TPD52: variants seen among roughly 807,000 people sequenced by gnomAD.
TPD52 encodes the protein prostate and colon associated protein.
In TPD52, 17 loss-of-function variants were observed where a neutral mutation model predicts 31.3. That is an observed-to-expected ratio of 0.54 (90% CI 0.37 to 0.82). The LOEUF is 0.82. TPD52 is among the 40% of genes least tolerant of loss of function. The probability of loss-of-function intolerance (pLI) is 0.00; values close to 1 mark genes in which losing one functional copy is unlikely to be tolerated. For synonymous variants in TPD52, 83 were observed against 89.6 expected, an observed-to-expected ratio of 0.93 and a Z score of 0.42; for missense variants, 212 against 240.1, an observed-to-expected ratio of 0.88 and a Z score of 0.77.
At chr8:80,079,617 G>A (rs947813342) in intron 1 of TPD52, among the ~76,000 whole-genome samples, 3 of 152,108 alleles carry the variant, frequency 2.0e-5, no homozygotes, top group African/African-American at 7.2e-5. Context: ...AAATTACAGA[G>A]AAGGTCATTT....
intron 1 of TPD52, among the ~76,000 whole-genome samples, chr8:80,077,015 G>T (rs1814636382): frequency 1.3e-5 from 2 of 151,374 alleles, no homozygotes; most frequent in Non-Finnish European, 2.9e-5. Context: ...AGTGGCTCAC[G>T]CCTGTAATCC....
At chr8:80,032,609 C>G (rs1422269646), downstream of TPD52, 1 of 152,340 alleles carries the variant, frequency 6.6e-6, no homozygotes, top group East Asian at 1.9e-4. Flanking sequence ...TACTTTACAG[C>G]TACTGGCTTT....
At chr8:80,060,720 T>A (rs1812423279) in intron 2 of TPD52, among the ~76,000 whole-genome samples, 1 of 150,836 alleles carries the variant, frequency 6.6e-6, no homozygotes, top group Admixed American at 6.6e-5. Context: ...AAAAACACAA[T>A]CATTTCAATA....
At chr8:80,095,862 C>A (rs953165694) in intron 1 of TPD52, among the ~76,000 whole-genome samples, 2 of 152,176 alleles carry the variant, frequency 1.3e-5, no homozygotes, top group Non-Finnish European at 2.9e-5. Flanking sequence ...GCAGGAGAAT[C>A]GCTTGAACCC....
intron 6 of TPD52, among the ~76,000 whole-genome samples, chr8:80,043,707 G>C (rs1452328794): frequency 6.6e-6 from 1 of 152,220 alleles, no homozygotes; most frequent in Non-Finnish European, 1.5e-5. Context: ...TCTCTAGAGA[G>C]GTTAGGTGAG....
intron 1 of TPD52, 197 bp from the exon 2 acceptor site, chr8:80,064,790 A>C (rs1341587978): frequency 1.4e-6 from 1 of 691,520 alleles, no homozygotes. Flanking sequence ...TACCAAGTAG[A>C]CTCTGCCAAA....
intron 1 of TPD52, among the ~76,000 whole-genome samples, chr8:80,122,597 G>A (rs1808332623): frequency 6.6e-6 from 1 of 152,204 alleles, no homozygotes; most frequent in Non-Finnish European, 1.5e-5. Flanking sequence ...GCCTTGGGAA[G>A]AGAAGAGACA....
intron 1 of TPD52, among the ~76,000 whole-genome samples, chr8:80,150,830 CT>C (rs142376735): frequency 0.11 from 17,161 of 152,164 alleles, 1,202 homozygotes; most frequent in South Asian, 0.21. Flanking sequence ...GTGGAAAGGA[CT>C]TGCCTTGTCT....
At chr8:80,134,728 G>T (rs767757758) in intron 1 of TPD52, among the ~76,000 whole-genome samples, 4 of 152,186 alleles carry the variant, frequency 2.6e-5, no homozygotes, top group African/African-American at 7.2e-5. Context: ...TGCAGGAGCC[G>T]TGTTGAAAGT....
intron 1 of TPD52, chr8:80,158,479 T>G (rs1369131972): frequency 2.6e-5 from 4 of 152,292 alleles, no homozygotes; most frequent in African/African-American, 9.7e-5. Context: ...CGTTGCTCAC[T>G]TCCTCCTCAG....
At chr8:80,089,421 C>G (rs1303594895) in intron 1 of TPD52, among the ~76,000 whole-genome samples, 1 of 152,104 alleles carries the variant, frequency 6.6e-6, no homozygotes, top group Non-Finnish European at 1.5e-5. Flanking sequence ...TGCATTTTGG[C>G]AGATTTGGTT....
chr8:80,092,963 G>C, intron 1 of TPD52, among the ~76,000 whole-genome samples: 1 of 152,112 alleles, frequency 6.6e-6, no homozygotes, highest in South Asian at 2.1e-4. Flanking sequence ...AAATGGTACA[G>C]ATGGTAAATT....
chr8:80,119,181 T>C (rs1808072256), intron 1 of TPD52, among the ~76,000 whole-genome samples: 1 of 152,208 alleles, frequency 6.6e-6, no homozygotes, highest in South Asian at 2.1e-4. Flanking sequence ...CACATATGTA[T>C]AAACCCATTT....
chr8:80,112,758 C>T (rs1206159650), intron 1 of TPD52, among the ~76,000 whole-genome samples: 1 of 151,974 alleles, frequency 6.6e-6, no homozygotes, highest in African/African-American at 2.4e-5. Context: ...CCCCCCAACC[C>T]ATTCAACAAT....
chr8:80,058,853 T>C (rs1812184669), intron 2 of TPD52, among the ~76,000 whole-genome samples: 1 of 152,180 alleles, frequency 6.6e-6, no homozygotes, highest in African/African-American at 2.4e-5. Context: ...ATCACCCATC[T>C]GCCTTACCCA....
At chr8:80,159,613 G>A (rs1187889859) in intron 1 of TPD52, among the ~76,000 whole-genome samples, 1 of 152,144 alleles carries the variant, frequency 6.6e-6, no homozygotes, top group East Asian at 1.9e-4. Context: ...GTAACGTAGG[G>A]ATACTGTTAG....
intron 5 of TPD52, among the ~76,000 whole-genome samples, chr8:80,049,207 C>T (rs1288697231): frequency 1.3e-5 from 2 of 151,934 alleles, no homozygotes; most frequent in Non-Finnish European, 2.9e-5. Flanking sequence ...TATCCCAAGT[C>T]CCCACTCTTC....
chr8:80,138,658 C>T (rs1809609053), intron 1 of TPD52, among the ~76,000 whole-genome samples: 1 of 152,164 alleles, frequency 6.6e-6, no homozygotes, highest in Non-Finnish European at 1.5e-5. Context: ...AGACTTTTGA[C>T]AACTGCTCAG....
intron 1 of TPD52, among the ~76,000 whole-genome samples, chr8:80,118,943 AAT>A (rs1808055976): frequency 6.6e-6 from 1 of 152,234 alleles, no homozygotes; most frequent in Non-Finnish European, 1.5e-5. Context: ...AAATGAAAAC[AAT>A]ATGTCTGTAC....
Sources: allele counts gnomAD v4.1 joint callset (sites outside exome capture counted in the v4.1 genomes callset), GRCh38; gene constraint gnomAD v4.1.1; transcripts MANE v1.5; gene names NCBI Gene and HGNC (gene_info 2026-07-23, HGNC 2026-07-21).